The following CCDC62 variants were observed in gnomAD, a reference collection of about 807,000 sequenced individuals.
CCDC62 encodes coiled-coil domain containing 62, also known as coiled-coil domain-containing protein 62.
A neutral mutation model predicts 80.8 loss-of-function variants in CCDC62; 72 were observed. That is an observed-to-expected ratio of 0.89 (90% CI 0.74 to 1.08). CCDC62 has a LOEUF of 1.08. CCDC62 is among the 50% of genes least tolerant of loss of function. The pLI, the probability that CCDC62 is intolerant of heterozygous loss-of-function variation, is 0.00. For synonymous variants in CCDC62, 286 were observed against 296.5 expected, an observed-to-expected ratio of 0.96 and a Z score of 0.36; for missense variants, 704 against 809.4, an observed-to-expected ratio of 0.87 and a Z score of 1.58.
chr12:122,795,471 T>C (rs1169840818), intron 6 of CCDC62, among the ~76,000 whole-genome samples: 1 of 152,020 alleles, frequency 6.6e-6, no homozygotes, highest in Non-Finnish European at 1.5e-5. Flanking sequence ...TCGCCCAGGC[T>C]GGAGTGCAGT....
intron 7 of CCDC62, among the ~76,000 whole-genome samples, chr12:122,797,697 C>T (rs968565943): frequency 1.3e-4 from 20 of 152,226 alleles, no homozygotes; most frequent in Admixed American, 4.6e-4. Flanking sequence ...CCCACCACCA[C>T]GCCCAGCCAA....
At chr12:122,823,632 A>G (rs1336177705) in intron 12 of CCDC62, among the ~76,000 whole-genome samples, 173 bp downstream of exon 12, 1 of 151,844 alleles carries the variant, frequency 6.6e-6, no homozygotes, top group Non-Finnish European at 1.5e-5. Context: ...AATGTCAATT[A>G]CTTGCAAAGA....
chr12:122,823,788 G>A (rs541280853), intron 12 of CCDC62, among the ~76,000 whole-genome samples: 27 of 151,104 alleles, frequency 1.8e-4, no homozygotes, highest in South Asian at 1.1e-3. Context: ...GGATCACGAG[G>A]TCAGGAGTTC....
chr12:122,804,855 C>T (rs1217596771), intron 9 of CCDC62, among the ~76,000 whole-genome samples: 2 of 149,834 alleles, frequency 1.3e-5, no homozygotes, highest in Non-Finnish European at 3.0e-5. Flanking sequence ...GCCAAGACTA[C>T]GGGCACGAGT....
At chr12:122,777,446 A>G (rs1879533948) in intron 1 of CCDC62, 45 bp from the exon 2 acceptor site, 2 of 1,523,644 alleles carry the variant, frequency 1.3e-6, no homozygotes, top group South Asian at 1.2e-5. Flanking sequence ...CTGATTTGTT[A>G]TTGATTTCAT....
intron 9 of CCDC62, among the ~76,000 whole-genome samples, chr12:122,803,338 G>T (rs899200765): frequency 6.6e-6 from 1 of 152,022 alleles, no homozygotes; most frequent in South Asian, 2.1e-4. Flanking sequence ...TAAGTTATTG[G>T]TTTTTTTAAG....
intron 9 of CCDC62, among the ~76,000 whole-genome samples, chr12:122,804,075 G>C (rs10466866): frequency 1.3e-5 from 2 of 152,112 alleles, no homozygotes; most frequent in African/African-American, 4.8e-5. Flanking sequence ...AAGAACTTGC[G>C]TACCTACTTT....
At chr12:122,813,495 C>A in intron 11 of CCDC62, 76 bp downstream of exon 11, 1 of 1,371,250 alleles carries the variant, frequency 7.3e-7, no homozygotes. Flanking sequence ...CAAATATCAC[C>A]GGCAGGGCGG....
intron 9 of CCDC62, among the ~76,000 whole-genome samples, chr12:122,803,774 T>A (rs1482122325): frequency 6.6e-6 from 1 of 152,204 alleles, no homozygotes; most frequent in African/African-American, 2.4e-5. Flanking sequence ...TTTGGATAAT[T>A]GCAAGTATCA....
At chr12:122,796,801 G>C (rs915131922) in intron 6 of CCDC62, among the ~76,000 whole-genome samples, 2 of 151,188 alleles carry the variant, frequency 1.3e-5, no homozygotes, top group Admixed American at 1.3e-4. Context: ...TAAGTATAGA[G>C]ATTTGGAAAT....
intron 4 of CCDC62, 99 bp downstream of exon 4, chr12:122,785,919 G>A: frequency 1.3e-6 from 1 of 787,446 alleles, no homozygotes; most frequent in South Asian, 1.5e-5. Context: ...GAAATGTGAA[G>A]CTACCAACGT....
chr12:122,806,537 G>A (rs2031615897), intron 10 of CCDC62, among the ~76,000 whole-genome samples: 3 of 151,740 alleles, frequency 2.0e-5, no homozygotes, highest in South Asian at 2.1e-4. Context: ...GTAGTGCAGT[G>A]GTGCAATCGT....
chr12:122,785,682 G>A (rs766238193), intron 3 of CCDC62, 37 bp from the exon 4 acceptor site: 3 of 1,349,010 alleles, frequency 2.2e-6, no homozygotes, highest in Non-Finnish European at 3.2e-6. Context: ...AGCTTTAAAA[G>A]GACTCAAGCA....
intron 11 of CCDC62, among the ~76,000 whole-genome samples, chr12:122,819,089 A>G (rs1249083248): frequency 1.3e-5 from 2 of 152,198 alleles, no homozygotes; most frequent in Non-Finnish European, 2.9e-5. Context: ...GGCTCCAGAT[A>G]TCATACATTT....
At chr12:122,789,241 C>T (rs912474031) in intron 5 of CCDC62, among the ~76,000 whole-genome samples, 1 of 152,098 alleles carries the variant, frequency 6.6e-6, no homozygotes, top group Admixed American at 6.6e-5. Context: ...GGCAGACAGT[C>T]GTAGCATTTA....
intron 1 of CCDC62, among the ~76,000 whole-genome samples, chr12:122,775,582 T>G (rs534070486): frequency 9.2e-5 from 14 of 152,356 alleles, no homozygotes; most frequent in African/African-American, 3.4e-4. Context: ...ATTTTCCTTG[T>G]TAAGACTAGC....
intron 4 of CCDC62, among the ~76,000 whole-genome samples, chr12:122,788,117 T>C (rs977664526): frequency 1.3e-5 from 2 of 152,212 alleles, no homozygotes; most frequent in Admixed American, 1.3e-4. Context: ...GGGTAAAACC[T>C]CTTAATAACA....
intron 12 of CCDC62, among the ~76,000 whole-genome samples, chr12:122,824,827 A>G (rs947090061): frequency 1.3e-5 from 2 of 152,140 alleles, no homozygotes; most frequent in Non-Finnish European, 2.9e-5. Context: ...GCTCATGCCT[A>G]TAATCCCAGC....
In CCDC62 at chr12:122,781,211, G is replaced by T; in HGVS notation, c.277G>T (p.Val93Leu). ...TEIIRSLTKK[V>L]KALESNQMEC... is the part of the protein sequence containing the mutation. ...AATAATCAGGTCACTCACGAAGAAG[G>T]TAAAAGCTCTTGAATCCAATCAAAT... The change falls in exon 3 of 13, where the codon GTA becomes TTA. Residue 93 changes from valine (V) to leucine (L), a missense_variant. Transcript: ENST00000253079. 1 of 1,614,006 alleles carries T rather than the reference G, an allele frequency of 6.2e-7. No individual in the cohort carries two copies. Among genetic ancestry groups the T allele is most frequent in the Non-Finnish European group, 8.5e-7 (1 of 1,179,930 alleles).
Sources: allele counts gnomAD v4.1 joint callset (sites outside exome capture counted in the v4.1 genomes callset), GRCh38; gene constraint gnomAD v4.1.1; transcripts MANE v1.5; gene names NCBI Gene and HGNC (gene_info 2026-07-23, HGNC 2026-07-21).